Variants in APBA2 observed in about 807,000 individuals in gnomAD.
APBA2 encodes the protein amyloid beta precursor protein binding family A member 2, also known as amyloid-beta A4 precursor protein-binding family A member 2.
Under a neutral mutation model 75.0 loss-of-function variants are expected in APBA2, and 30 were observed. The ratio of observed to expected loss-of-function variants is 0.40; its 90% CI spans 0.30 to 0.54. The LOEUF (loss-of-function observed/expected upper bound fraction) is 0.54. Ranked by LOEUF, APBA2 falls within the 20% of genes least tolerant of loss-of-function variation. APBA2 has a pLI of 0.49. For missense variants in APBA2, 801 were observed against 1,016.1 expected, an observed-to-expected ratio of 0.79 and a Z score of 2.88; for synonymous variants, 444 against 409.6, an observed-to-expected ratio of 1.08 and a Z score of -1.01.
At chr15:29,000,220 G>C (rs1379107146) in intron 3 of APBA2, among the ~76,000 whole-genome samples, 4 of 152,102 alleles carry the variant, frequency 2.6e-5, no homozygotes, top group African/African-American at 9.7e-5. Context: ...ATCACAAGTG[G>C]GTCACAACCA....
At chr15:29,047,906 G>T (rs1226667073) in intron 3 of APBA2, among the ~76,000 whole-genome samples, 1 of 152,090 alleles carries the variant, frequency 6.6e-6, no homozygotes, top group Non-Finnish European at 1.5e-5. Context: ...AACAGCCACA[G>T]AAATATTATA....
chr15:29,116,980 T>G (rs959402019), intron 14 of APBA2, 82 bp from the exon 15 acceptor site: 16 of 1,441,846 alleles, frequency 1.1e-5, no homozygotes, highest in Non-Finnish European at 1.4e-5. Flanking sequence ...CTCTGGGGGG[T>G]TTGCCTCTGT....
chr15:29,025,493 C>G (rs568675346), intron 3 of APBA2, among the ~76,000 whole-genome samples: 40 of 144,318 alleles, frequency 2.8e-4, no homozygotes, highest in Non-Finnish European at 5.2e-4. Context: ...GGTCTCGATT[C>G]GATCTCTTGA....
intron 1 of APBA2, among the ~76,000 whole-genome samples, chr15:28,895,156 C>G (rs1345471529): frequency 6.6e-6 from 1 of 152,226 alleles, no homozygotes; most frequent in Non-Finnish European, 1.5e-5. Flanking sequence ...CCAGCCTTAA[C>G]CTGTGCAGCT....
intron 10 of APBA2, chr15:29,102,891 C>T (rs2044199460): frequency 6.6e-6 from 1 of 152,218 alleles, no homozygotes; most frequent in Non-Finnish European, 1.5e-5. Flanking sequence ...TGACATACAG[C>T]ATGGAAACTG....
At chr15:29,029,619 A>G (rs1419116412) in intron 3 of APBA2, among the ~76,000 whole-genome samples, 3 of 151,840 alleles carry the variant, frequency 2.0e-5, no homozygotes, top group Non-Finnish European at 2.9e-5. Context: ...AGGTATGATG[A>G]GAGAGTAGCT....
chr15:29,057,349 C>T (rs372849016), intron 4 of APBA2, among the ~76,000 whole-genome samples: 1 of 152,180 alleles, frequency 6.6e-6, no homozygotes, highest in South Asian at 2.1e-4. Flanking sequence ...GCAACCCTCC[C>T]CTCTCTTCTA....
At chr15:29,012,573 C>T (rs1272957802) in intron 3 of APBA2, among the ~76,000 whole-genome samples, 1 of 152,204 alleles carries the variant, frequency 6.6e-6, no homozygotes, top group Non-Finnish European at 1.5e-5. Flanking sequence ...GGTCTGTTCT[C>T]ACTCATTTAT....
rs149853358 is a variant in APBA2 at position 29,019,127 on chromosome 15, C to T, written c.-41+23321C>T. On this transcript the variant is annotated intron_variant, in intron 3 of 14. Coordinates refer to ENST00000683413, the MANE Select transcript of APBA2 (RefSeq NM_001353788.2). The stretch of plus-strand genomic sequence containing the variant: ...GGAAAAAAGTAAGCAGAGGACAGGT[C>T]ATGCTGCAGGCCGGCCCCTCACCCC... Among the ~76,000 whole-genome samples, 275 of 152,300 alleles carry T rather than the reference C, an allele frequency of 1.8e-3. 1 individual carries two copies. The highest frequency in any genetic ancestry group is 6.4e-3 in the African/African-American group (268 of 41,564).
intron 4 of APBA2, among the ~76,000 whole-genome samples, chr15:29,069,516 A>G (rs2042526488): frequency 6.6e-6 from 1 of 152,228 alleles, no homozygotes; most frequent in Non-Finnish European, 1.5e-5. Flanking sequence ...GAAAAAAATT[A>G]AGCAGCCCTG....
At chr15:29,062,140 A>G (rs1266620132) in intron 4 of APBA2, among the ~76,000 whole-genome samples, 2 of 152,146 alleles carry the variant, frequency 1.3e-5, no homozygotes, top group Non-Finnish European at 2.9e-5. Context: ...GGTCCTCTCC[A>G]GCCCCCAGGC....
chr15:29,033,897 G>C lies in APBA2; in HGVS notation c.-40-19948G>C, dbSNP rs558374498. On this transcript the variant is annotated intron_variant, in intron 3 of 14. Transcript: ENST00000683413. ...GGAGAATGGCGTTAACCCAGGAGGT[G>C]GAGCTTGCAGTGAGCTGAGATGGCA... Among the ~76,000 whole-genome samples the C allele has an allele frequency of 4.7e-5, 7 of 150,058 alleles. No homozygotes were observed. In the South Asian group the frequency reaches 1.5e-3, roughly 32 times the overall value.
At chr15:29,108,754 C>T (rs1471068648) in intron 13 of APBA2, 6 of 406,248 alleles carry the variant, frequency 1.5e-5, no homozygotes, top group Non-Finnish European at 2.3e-5. Flanking sequence ...GACGTTCACT[C>T]ATTCATTCAT....
intron 8 of APBA2, among the ~76,000 whole-genome samples, chr15:29,095,253 C>A (rs2043795124): frequency 1.3e-5 from 2 of 152,088 alleles, no homozygotes; most frequent in African/African-American, 2.4e-5. Flanking sequence ...CATGGAGAAA[C>A]CCCGTCTCTA....
chr15:29,089,243 A>C (rs1406109699), intron 6 of APBA2, among the ~76,000 whole-genome samples: 1 of 152,204 alleles, frequency 6.6e-6, no homozygotes, highest in Non-Finnish European at 1.5e-5. Flanking sequence ...CATGACAGTG[A>C]ACTTGGGCAA....
rs184718897 is a variant in APBA2, at chr15:29,067,706, C to T, written c.952-7215C>T. Among the ~76,000 whole-genome samples the T allele has an allele frequency of 2.6e-5, 4 of 152,298 alleles. No individual in the cohort carries two copies. In the East Asian group the frequency reaches 5.8e-4, roughly 22 times the overall value. ...GCCTTTTCCACAAGTTTAAATATCC[C>T]AGATATTCTACTGTGTATATTCCTA... is the stretch of plus-strand genomic sequence containing the variant. On this transcript the variant is annotated intron_variant, in intron 4 of 14. Coordinates refer to ENST00000683413, the MANE Select transcript of APBA2 (RefSeq NM_001353788.2).
intron 3 of APBA2, among the ~76,000 whole-genome samples, chr15:29,006,767 C>A (rs536339157): frequency 6.6e-6 from 1 of 152,162 alleles, no homozygotes; most frequent in Non-Finnish European, 1.5e-5. Context: ...CTGGCCCCAC[C>A]CTTGACGTGA....
intron 2 of APBA2, among the ~76,000 whole-genome samples, chr15:28,936,397 G>A (rs532088895): frequency 2.6e-5 from 4 of 152,336 alleles, no homozygotes; most frequent in Middle Eastern, 3.4e-3. Flanking sequence ...ACAGCCAGGA[G>A]CAGAGCACCC....
chr15:29,058,022 C>T (rs1324835933), intron 4 of APBA2, among the ~76,000 whole-genome samples: 1 of 152,162 alleles, frequency 6.6e-6, no homozygotes. Context: ...CGTATGTCCT[C>T]ATCTTTAGTA....
Sources: gnomAD v4.1 joint callset for allele counts (sites outside exome capture counted in the v4.1 genomes callset) on GRCh38, gnomAD v4.1.1 for gene constraint, MANE v1.5 for transcripts, NCBI Gene and HGNC (gene_info 2026-07-23, HGNC 2026-07-21) for gene names.